Variants in KCNH1 observed in about 807,000 individuals in gnomAD.
The protein encoded by KCNH1 is voltage-gated delayed rectifier potassium channel KCNH1.
Under a neutral mutation model 69.2 loss-of-function variants are expected in KCNH1, and 27 were observed. The ratio of observed to expected loss-of-function variants is 0.39; its 90% CI spans 0.29 to 0.54. The LOEUF (loss-of-function observed/expected upper bound fraction) is 0.54. Ranked by LOEUF, KCNH1 falls within the 20% of genes least tolerant of loss-of-function variation. The probability of loss-of-function intolerance (pLI) is 0.68; values close to 1 mark genes in which losing one functional copy is unlikely to be tolerated. For missense variants in KCNH1, 798 were observed against 1,261.6 expected, an observed-to-expected ratio of 0.63 and a Z score of 5.57; for synonymous variants, 456 against 487.7, an observed-to-expected ratio of 0.93 and a Z score of 0.86.
chr1:210,779,638 T>C (rs563390206), intron 9 of KCNH1, among the ~76,000 whole-genome samples: 1 of 152,232 alleles, frequency 6.6e-6, no homozygotes, highest in South Asian at 2.1e-4. Context: ...TTGATTTATT[T>C]ATTACACTGA....
At chr1:211,083,320 G>T (rs17017167) in intron 4 of KCNH1, among the ~76,000 whole-genome samples, 12,094 of 152,278 alleles carry the variant, frequency 0.079, 721 homozygotes, top group South Asian at 0.17. Flanking sequence ...CAGGCTATCT[G>T]ATCTTGCAGA....
At chr1:210,974,479 G>C (rs1574371899) in intron 6 of KCNH1, among the ~76,000 whole-genome samples, 1 of 147,940 alleles carries the variant, frequency 6.8e-6, no homozygotes, top group African/African-American at 2.5e-5. Flanking sequence ...TTGGCTTGTT[G>C]TTTTCTTATT....
At chr1:210,861,953 T>C in intron 7 of KCNH1, 1 of 759,570 alleles carries the variant, frequency 1.3e-6, no homozygotes, top group South Asian at 1.4e-5. Flanking sequence ...TGAATGCATG[T>C]AGTAAGCTGT....
Position 210,836,111 on chromosome 1 carries a change from C to CAAAAAA in KCNH1, c.1463-31951_1463-31946dup, listed in dbSNP as rs776429016. 1.2e-3 allele frequency among the ~76,000 whole-genome samples: 112 copies of CAAAAAA among 93,288 alleles called. 3 individuals are homozygous for CAAAAAA. The highest frequency in any genetic ancestry group is 1.8e-3 in the Non-Finnish European group (94 of 51,128). 61.2% of individuals were successfully genotyped at this position (93,288 alleles called of 152,430 possible). On this transcript the variant is annotated intron_variant, in intron 7 of 10. Transcript: ENST00000271751. ...TAAGCAGCAGAGCGAGTCTCCGTCT[C>CAAAAAA]AAAAAAAAAAAAAAAAAAAAAATTT...
chr1:211,019,912 T>C (rs962693679), intron 5 of KCNH1, among the ~76,000 whole-genome samples: 9 of 152,194 alleles, frequency 5.9e-5, no homozygotes, highest in Middle Eastern at 3.4e-3. Flanking sequence ...AGTGGGTCAA[T>C]AGAGAAATTA....
At chr1:211,009,470 A>C (rs1689352953) in intron 6 of KCNH1, among the ~76,000 whole-genome samples, 1 of 152,178 alleles carries the variant, frequency 6.6e-6, no homozygotes, top group African/African-American at 2.4e-5. Flanking sequence ...AAAGGAAACA[A>C]GTGAGGAGTG....
intron 6 of KCNH1, among the ~76,000 whole-genome samples, chr1:210,997,387 C>T (rs999123264): frequency 1.3e-5 from 2 of 152,030 alleles, no homozygotes; most frequent in Non-Finnish European, 2.9e-5. Context: ...GGAGCCAATG[C>T]AATCAACTGG....
At chr1:210,684,181 A>AT in intron 10 of KCNH1, 43 bp from the exon 11 acceptor site, 2 of 1,477,824 alleles carry the variant, frequency 1.4e-6, no homozygotes, top group South Asian at 3.0e-5. Flanking sequence ...TGTTAGCCAC[A>AT]TGCTGGCTGC....
chr1:210,771,622 C>T (rs1683755826), intron 10 of KCNH1, among the ~76,000 whole-genome samples: 1 of 146,916 alleles, frequency 6.8e-6, no homozygotes. Flanking sequence ...GTGGACAGAA[C>T]AAAATAACAA....
intron 1 of KCNH1, among the ~76,000 whole-genome samples, chr1:211,122,962 A>G (rs553726036): frequency 4.6e-5 from 7 of 152,328 alleles, no homozygotes; most frequent in African/African-American, 1.7e-4. Flanking sequence ...AATAAAGAAA[A>G]AAACAGAAAC....
chr1:210,718,627 TAA>T (rs1477172981), intron 10 of KCNH1, among the ~76,000 whole-genome samples: 7 of 123,146 alleles, frequency 5.7e-5, no homozygotes, highest in African/African-American at 2.0e-4. Flanking sequence ...TATGTGTGTA[TAA>T]ATATATATAT....
intron 3 of KCNH1, among the ~76,000 whole-genome samples, chr1:211,099,298 G>A (rs1039947392): frequency 3.3e-5 from 5 of 152,010 alleles, no homozygotes; most frequent in Non-Finnish European, 4.4e-5. Context: ...CTCTGAGTCT[G>A]TTGGGTGTTT....
At chr1:211,091,255 C>A (rs1571639536) in intron 3 of KCNH1, among the ~76,000 whole-genome samples, 1 of 152,122 alleles carries the variant, frequency 6.6e-6, no homozygotes, top group East Asian at 1.9e-4. Flanking sequence ...AATCTTGGCT[C>A]ACTGCATCCT....
intron 8 of KCNH1, among the ~76,000 whole-genome samples, chr1:210,798,282 G>A (rs900600782): frequency 1.6e-4 from 24 of 152,076 alleles, no homozygotes; most frequent in African/African-American, 4.1e-4. Context: ...CTCGTGATCC[G>A]CCCGCCTCGG....
chr1:210,978,922 T>G (rs1688663255), intron 6 of KCNH1, among the ~76,000 whole-genome samples: 3 of 152,206 alleles, frequency 2.0e-5, no homozygotes, highest in Admixed American at 2.0e-4. Context: ...GTGTCTCCTC[T>G]GCATATTCAA....
chr1:211,065,797 C>T (rs1449247502), intron 5 of KCNH1, among the ~76,000 whole-genome samples: 1 of 152,120 alleles, frequency 6.6e-6, no homozygotes, highest in Non-Finnish European at 1.5e-5. Context: ...CAGTGGCTCA[C>T]ACCTGTATTC....
In KCNH1 at chr1:210,683,626, C is replaced by A; in HGVS notation, c.2625G>T (p.Lys875Asn). Residue 875 changes from lysine to asparagine, a missense_variant, in exon 11 of 11, where the codon AAG (lysine) becomes AAT (asparagine). This residue lies in a region of KCNH1 where 331 missense variants were observed against 363.2 expected (regional missense o/e 0.91). Coordinates refer to ENST00000271751, the MANE Select transcript of KCNH1 (RefSeq NM_172362.3). The surrounding 1 kb of genome is among the most constrained non-coding windows in gnomAD (Gnocchi z 5.7). ...RTKASGEATLKKTDSCDSGIT... is the reference protein window; with the variant it reads ...RTKASGEATLNKTDSCDSGIT... ...TGCCACTGTCACACGAGTCTGTCTT[C>A]TTCAGTGTGGCCTCGCCTGACGCTT... The A allele has an allele frequency of 6.2e-7, 1 of 1,614,222 alleles. No homozygotes were observed. The highest frequency in any genetic ancestry group is 8.5e-7 in the Non-Finnish European group (1 of 1,180,046).
intron 9 of KCNH1, among the ~76,000 whole-genome samples, chr1:210,790,096 C>A (rs1394167743): frequency 2.6e-5 from 4 of 152,220 alleles, no homozygotes; most frequent in African/African-American, 9.7e-5. Context: ...TTTCCCAATT[C>A]TTTTCAAATG....
chr1:210,811,139 T>C (rs1465943595), intron 7 of KCNH1, among the ~76,000 whole-genome samples: 2 of 152,234 alleles, frequency 1.3e-5, no homozygotes, highest in African/African-American at 4.8e-5. Context: ...TTTCATATAC[T>C]ACCTCTGTTT....
Sources: allele counts gnomAD v4.1 joint callset (sites outside exome capture counted in the v4.1 genomes callset), GRCh38; gene constraint gnomAD v4.1.1; regional missense constraint gnomAD v4.1.1; non-coding constraint Gnocchi (gnomAD v3.1); transcripts MANE v1.5; gene names NCBI Gene and HGNC (gene_info 2026-07-23, HGNC 2026-07-21).